The following ARHGEF33 variants were observed in gnomAD, a reference collection of about 807,000 sequenced individuals.
ARHGEF33 encodes the protein Rho guanine nucleotide exchange factor 33.
A neutral mutation model predicts 101.9 loss-of-function variants in ARHGEF33; 72 were observed. The observed-to-expected ratio is 0.71, with a 90% CI of 0.58 to 0.86. The LOEUF is 0.86. Among genes scored for constraint, ARHGEF33 ranks in the 40% least tolerant of loss-of-function variants. The pLI is 0.00. For synonymous variants in ARHGEF33, 499 were observed against 442.5 expected (o/e 1.13, Z -1.60); for missense variants, 1,169 against 1,111.3 (o/e 1.05, Z -0.74).
intron 15 of ARHGEF33, 89 bp downstream of exon 15, chr2:38,958,287 C>A: frequency 6.8e-7 from 1 of 1,470,080 alleles, no homozygotes; most frequent in African/African-American, 1.4e-5. Context: ...CTAGATTCCT[C>A]CATCCCCTTT....
intron 11 of ARHGEF33, among the ~76,000 whole-genome samples, chr2:38,951,501 T>C (rs1317295765): frequency 2.0e-5 from 3 of 152,134 alleles, no homozygotes; most frequent in African/African-American, 7.2e-5. Flanking sequence ...GTGTGGTGGC[T>C]CGTGCCTGTA....
At chr2:38,958,604 G>C (rs1017192453) in intron 15 of ARHGEF33, among the ~76,000 whole-genome samples, 1 of 152,194 alleles carries the variant, frequency 6.6e-6, no homozygotes, top group Non-Finnish European at 1.5e-5. Flanking sequence ...GAATTCAAAT[G>C]AGGTCAATAT....
intron 2 of ARHGEF33, among the ~76,000 whole-genome samples, chr2:38,915,385 T>TTC (rs1263447200): frequency 6.9e-6 from 1 of 145,416 alleles, no homozygotes; most frequent in African/African-American, 2.5e-5. Context: ...TTATTGACTT[T>TTC]TTTTTTTTTT....
intron 8 of ARHGEF33, 87 bp from the exon 9 acceptor site, chr2:38,937,248 C>T: frequency 1.5e-6 from 1 of 676,496 alleles, no homozygotes; most frequent in Non-Finnish European, 2.6e-6. Flanking sequence ...CCTGCCTCGG[C>T]CTCCGAAAGT....
chr2:38,895,589 A>G (rs1484321045), intron 1 of ARHGEF33, among the ~76,000 whole-genome samples, 188 bp from the exon 2 acceptor site: 2 of 152,192 alleles, frequency 1.3e-5, no homozygotes, highest in Non-Finnish European at 2.9e-5. Context: ...TTAAAAATTA[A>G]AAGACTAAAA....
chr2:38,900,324 G>C (rs1558422503), intron 2 of ARHGEF33, among the ~76,000 whole-genome samples: 1 of 152,168 alleles, frequency 6.6e-6, no homozygotes, highest in African/African-American at 2.4e-5. Flanking sequence ...ATAGGGGCAA[G>C]CTTCATAGAG....
intron 2 of ARHGEF33, among the ~76,000 whole-genome samples, chr2:38,909,122 G>A (rs553022367): frequency 6.6e-6 from 1 of 152,238 alleles, no homozygotes; most frequent in East Asian, 1.9e-4. Context: ...CAGCCATGAA[G>A]GCAGTTAACT....
intron 16 of ARHGEF33, among the ~76,000 whole-genome samples, chr2:38,962,913 A>T (rs928793979): frequency 2.0e-5 from 3 of 148,992 alleles, no homozygotes; most frequent in African/African-American, 7.4e-5. Context: ...AGTCCCAGCT[A>T]CTCAGGAGGC....
In ARHGEF33 at chr2:38,954,414, T is replaced by G; in HGVS notation, c.1179T>G (p.Phe393Leu). Residue 393 changes from phenylalanine (F) to leucine (L), a missense_variant, in exon 13 of 18, where the codon TTT (phenylalanine) becomes TTG (leucine). By Grantham distance (22) the Phe-to-Leu change is conservative. Coordinates refer to ENST00000409978, the MANE Select transcript of ARHGEF33 (RefSeq NM_001145451.5). ...AATCTGACATCTACACGTTGTTTTT[T>G]CACATAGTCCAGCGCATCCCTGAAT... ...EIKSDIYTLF[F>L]HIVQRIPEYL... 1 of 1,551,322 alleles carries G rather than the reference T, an allele frequency of 6.4e-7. No individual in the cohort carries two copies. The highest frequency in any genetic ancestry group is 8.7e-7 in the Non-Finnish European group (1 of 1,146,616).
At chr2:38,966,489 A>G (rs924975555) in intron 17 of ARHGEF33, among the ~76,000 whole-genome samples, 1 of 152,078 alleles carries the variant, frequency 6.6e-6, no homozygotes, top group Non-Finnish European at 1.5e-5. Context: ...GGGATCCACT[A>G]TTGGGGTTGG....
intron 2 of ARHGEF33, among the ~76,000 whole-genome samples, chr2:38,896,544 C>T (rs1440585831): frequency 6.6e-6 from 1 of 152,186 alleles, no homozygotes; most frequent in African/African-American, 2.4e-5. Flanking sequence ...CTACTTCATG[C>T]TGGGCTTTGT....
In ARHGEF33 at chr2:38,951,121, G is replaced by T; in HGVS notation, c.1053G>T (p.Glu351Asp). The T allele has an allele frequency of 6.4e-7, 1 of 1,551,414 alleles. No individual in the cohort carries two copies. The highest frequency in any genetic ancestry group is 2.4e-5 in the East Asian group (1 of 40,910). ...GDLFLKLTND[E>D]NNFLDYYVAY... ...TATTCCTTAAGTTAACAAATGACGA[G>T]GTAAGGTTTTTTCTGCCCCTCTATA... The change falls in exon 11 of 18, where the codon GAG (glutamate) becomes GAT (aspartate). Residue 351 changes from glutamate to aspartate, a missense_variant and splice_region_variant. By Grantham distance (45) the Glu-to-Asp change is conservative (BLOSUM62 2). Transcript: ENST00000409978.
chr2:38,892,153 T>C (rs1666019516), intron 1 of ARHGEF33, among the ~76,000 whole-genome samples: 1 of 152,208 alleles, frequency 6.6e-6, no homozygotes, highest in African/African-American at 2.4e-5. Context: ...TTCCTGAGAA[T>C]GAGGGAGTAG....
intron 9 of ARHGEF33, among the ~76,000 whole-genome samples, chr2:38,938,062 A>G (rs1667195688): frequency 6.6e-6 from 1 of 152,158 alleles, no homozygotes; most frequent in South Asian, 2.1e-4. Context: ...TTGAATTTTT[A>G]AAGTCAAATA....
rs1667380422 is a variant in ARHGEF33, at chr2:38,944,108, A to G, written c.920+78A>G. Reference sequence around the variant, plus strand: ...AGTGGTTTATTGTTTCCACTTTGGGATTTCTGGGGCCTATGAAGAGTTCCA... The same window carrying G: ...AGTGGTTTATTGTTTCCACTTTGGGGTTTCTGGGGCCTATGAAGAGTTCCA... On this transcript the variant is annotated intron_variant, in intron 10 of 17. Transcript: ENST00000409978. 7.0e-6 allele frequency: 10 copies of G among 1,424,748 alleles called. No individual in the cohort carries two copies. In the South Asian group the frequency reaches 1.2e-4, roughly 17 times the overall value. 88.3% of individuals were successfully genotyped at this position (1,424,748 alleles called of 1,614,324 possible).
chr2:38,929,896 G>A, intron 6 of ARHGEF33, 66 bp downstream of exon 6: 1 of 1,418,190 alleles, frequency 7.1e-7, no homozygotes, highest in Non-Finnish European at 9.6e-7. Flanking sequence ...GAGGCACCTG[G>A]TACACATTCC....
chr2:38,921,395 T>G lies in ARHGEF33; in HGVS notation c.47T>G (p.Val16Gly). Residue 16 changes from valine (V) to glycine (G), a missense_variant, in exon 4 of 18, where the codon GTG (valine) becomes GGG (glycine). Coordinates refer to ENST00000409978, the MANE Select transcript of ARHGEF33 (RefSeq NM_001145451.5). ...TKQGENEHMP[V>G]NNPSTQIYQL... Reference sequence around the variant, plus strand: ...GCAGGAGAGAATGAACATATGCCGGTGAATAATCCTTCCACGCAGATTTAC... The same window carrying G: ...GCAGGAGAGAATGAACATATGCCGGGGAATAATCCTTCCACGCAGATTTAC... 9 of 1,546,816 alleles carry G rather than the reference T, an allele frequency of 5.8e-6. No homozygotes were observed. Among genetic ancestry groups the G allele is most frequent in the Non-Finnish European group, 7.0e-6 (8 of 1,142,490 alleles).
chr2:38,951,704 A>AAT (rs925927862), intron 11 of ARHGEF33, among the ~76,000 whole-genome samples: 9 of 152,138 alleles, frequency 5.9e-5, no homozygotes, highest in Non-Finnish European at 1.3e-4. Flanking sequence ...TATATACACA[A>AAT]ATATATATAT....
At chr2:38,896,438 A>T (rs555355669) in intron 2 of ARHGEF33, among the ~76,000 whole-genome samples, 1 of 152,316 alleles carries the variant, frequency 6.6e-6, no homozygotes, top group South Asian at 2.1e-4. Context: ...GCGCTCAGCC[A>T]TATTATGTTT....
Sources: allele counts gnomAD v4.1 joint callset (sites outside exome capture counted in the v4.1 genomes callset), GRCh38; gene constraint gnomAD v4.1.1; transcripts MANE v1.5; gene names NCBI Gene and HGNC (gene_info 2026-07-23, HGNC 2026-07-21).